GTF2A1L: variants seen among roughly 807,000 people sequenced by gnomAD.
The protein encoded by GTF2A1L is TFIIA-alpha and beta-like factor.
In GTF2A1L, 48 loss-of-function variants were observed where a neutral mutation model predicts 49.7. The observed-to-expected ratio is 0.97, with a 90% CI of 0.77 to 1.23. The LOEUF (loss-of-function observed/expected upper bound fraction) is 1.23. GTF2A1L is among the 50% of genes most tolerant of loss of function. The probability of loss-of-function intolerance (pLI) is 0.00; values close to 1 mark genes in which losing one functional copy is unlikely to be tolerated. For missense variants in GTF2A1L, 736 were observed against 564.8 expected, an observed-to-expected ratio of 1.30 and a Z score of -3.07; for synonymous variants, 246 against 193.5, an observed-to-expected ratio of 1.27 and a Z score of -2.25.
At chr2:48,633,124 G>C (rs780802393) in intron 3 of GTF2A1L, 14 of 273,696 alleles carry the variant, frequency 5.1e-5, no homozygotes, top group Non-Finnish European at 9.7e-5. Context: ...TTTGTTTCCT[G>C]CAAGTGATGG....
Position 48,679,459 on chromosome 2 carries a change from A to G in GTF2A1L, c.*17A>G, listed in dbSNP as rs139534452. On this transcript the variant is annotated 3_prime_UTR_variant, in exon 9 of 9. Transcript: ENST00000403751. ...GAGTGGTAAACCTTGTGAGCTCAGTACATCTATTTTGTGAACATCAGTTGG... is the reference window on the plus strand; with the variant it reads ...GAGTGGTAAACCTTGTGAGCTCAGTGCATCTATTTTGTGAACATCAGTTGG... 8.0e-3 allele frequency: 12,873 copies of G among 1,611,070 alleles called. 73 individuals carry two copies. The highest frequency in any genetic ancestry group is 8.8e-3 in the Non-Finnish European group (10,342 of 1,178,458).
At chr2:48,636,961 C>G (rs1311250242) in intron 3 of GTF2A1L, among the ~76,000 whole-genome samples, 1 of 152,080 alleles carries the variant, frequency 6.6e-6, no homozygotes, top group Admixed American at 6.6e-5. Flanking sequence ...AAGGGAGGAA[C>G]AGGGACACTG....
chr2:48,644,034 G>T (rs542468579), intron 4 of GTF2A1L, among the ~76,000 whole-genome samples: 2 of 152,146 alleles, frequency 1.3e-5, no homozygotes, highest in African/African-American at 2.4e-5. Context: ...AGCCAAGCAT[G>T]GTGGTGTGTG....
At chr2:48,664,985 G>T (rs1678732849) in intron 6 of GTF2A1L, among the ~76,000 whole-genome samples, 1 of 152,032 alleles carries the variant, frequency 6.6e-6, no homozygotes, top group South Asian at 2.1e-4. Flanking sequence ...CAGGTGGTAT[G>T]ATCTCGGCTC....
chr2:48,624,053 A>ATCATGAAGTCATGTTGGATTTTACC (rs1401223939), intron 3 of GTF2A1L, among the ~76,000 whole-genome samples: 3 of 145,790 alleles, frequency 2.1e-5, no homozygotes, highest in East Asian at 1.9e-4. Flanking sequence ...CCCTGAATCT[A>ATCATGAAGTCATGTTGGATTTTACC]AACCCAGAAA....
At chr2:48,620,701 T>A in intron 1 of GTF2A1L, 150 bp from the exon 2 acceptor site, 1 of 316,758 alleles carries the variant, frequency 3.2e-6, no homozygotes, top group Non-Finnish European at 4.7e-6. Context: ...TGCTTGAACC[T>A]GGGACGTGGA....
intron 3 of GTF2A1L, among the ~76,000 whole-genome samples, chr2:48,638,537 A>C (rs1468649631): frequency 6.6e-6 from 1 of 152,198 alleles, no homozygotes; most frequent in Admixed American, 6.5e-5. Flanking sequence ...TTTCATGTTA[A>C]AAACTCTCAA....
chr2:48,649,812 G>A (rs1031200173), intron 6 of GTF2A1L, among the ~76,000 whole-genome samples: 3 of 152,090 alleles, frequency 2.0e-5, no homozygotes, highest in South Asian at 2.1e-4. Context: ...CATATTACGC[G>A]TTCTTTCTCT....
At chr2:48,675,196 G>T (rs1235365747) in intron 8 of GTF2A1L, among the ~76,000 whole-genome samples, 1 of 152,068 alleles carries the variant, frequency 6.6e-6, no homozygotes, top group African/African-American at 2.4e-5. Context: ...GCACGCTTTT[G>T]TTATGCCACT....
chr2:48,640,378 A>T (rs34889436), intron 3 of GTF2A1L, among the ~76,000 whole-genome samples: 20,814 of 152,190 alleles, frequency 0.14, 1,652 homozygotes, highest in African/African-American at 0.22. Flanking sequence ...GAATGAGATC[A>T]TGTCTTTTGT....
At chr2:48,654,912 T>G (rs1010900008) in intron 6 of GTF2A1L, among the ~76,000 whole-genome samples, 1 of 152,182 alleles carries the variant, frequency 6.6e-6, no homozygotes, top group Non-Finnish European at 1.5e-5. Context: ...TATGGTAAAT[T>G]TATAGTAAAT....
intron 3 of GTF2A1L, among the ~76,000 whole-genome samples, chr2:48,631,601 C>T (rs1347362560): frequency 4.6e-5 from 7 of 151,900 alleles, no homozygotes; most frequent in Admixed American, 4.6e-4. Flanking sequence ...TTTTTTCCCC[C>T]TTAATGATCA....
intron 3 of GTF2A1L, among the ~76,000 whole-genome samples, chr2:48,631,589 CT>C (rs1011446025): frequency 6.6e-6 from 1 of 151,792 alleles, no homozygotes; most frequent in Non-Finnish European, 1.5e-5. Context: ...TTCATTGATT[CT>C]TTTTTTCCCC....
At chr2:48,653,127 A>G (rs1377965994) in intron 6 of GTF2A1L, among the ~76,000 whole-genome samples, 11 of 149,416 alleles carry the variant, frequency 7.4e-5, no homozygotes, top group African/African-American at 2.7e-4. Flanking sequence ...AGGCTGAGGC[A>G]GGAGGATGGC....
chr2:48,677,880 G>A (rs1415942980), intron 8 of GTF2A1L, among the ~76,000 whole-genome samples: 1 of 151,876 alleles, frequency 6.6e-6, no homozygotes, highest in African/African-American at 2.4e-5. Flanking sequence ...TTTGACTTGA[G>A]CTCTTAGAAG....
intron 1 of GTF2A1L, among the ~76,000 whole-genome samples, chr2:48,619,182 T>G (rs1386031569): frequency 6.6e-6 from 1 of 152,138 alleles, no homozygotes; most frequent in African/African-American, 2.4e-5. Flanking sequence ...CTAAATACTC[T>G]TAGGGGCTGG....
intron 6 of GTF2A1L, among the ~76,000 whole-genome samples, chr2:48,649,727 T>C (rs1465051045): frequency 6.6e-6 from 1 of 152,164 alleles, no homozygotes; most frequent in African/African-American, 2.4e-5. Context: ...GTGTCTTTTC[T>C]CCACTTAACA....
chr2:48,634,818 G>A (rs1572710582), intron 3 of GTF2A1L, among the ~76,000 whole-genome samples: 1 of 152,166 alleles, frequency 6.6e-6, no homozygotes, highest in South Asian at 2.1e-4. Flanking sequence ...TTCTCTAGCT[G>A]CCTCTAAGAT....
intron 2 of GTF2A1L, 94 bp downstream of exon 2, chr2:48,621,046 G>A: frequency 6.6e-7 from 1 of 1,511,326 alleles, no homozygotes; most frequent in Non-Finnish European, 8.9e-7. Flanking sequence ...TTATAGTTTA[G>A]TACTTACCCA....
Sources: allele counts gnomAD v4.1 joint callset (sites outside exome capture counted in the v4.1 genomes callset), GRCh38; gene constraint gnomAD v4.1.1; transcripts MANE v1.5; gene names NCBI Gene and HGNC (gene_info 2026-07-23, HGNC 2026-07-21).